The following CCDC146 variants were observed in gnomAD, a reference collection of about 807,000 sequenced individuals.
CCDC146 encodes coiled-coil domain containing 146, also known as coiled-coil domain-containing protein 146.
CCDC146 carries 92 observed loss-of-function variants against 119.3 expected under a neutral mutation model. That is an observed-to-expected ratio of 0.77 (90% CI 0.65 to 0.92). CCDC146 has a LOEUF of 0.92. CCDC146 is among the 40% of genes least tolerant of loss of function. The pLI, the probability that CCDC146 is intolerant of heterozygous loss-of-function variation, is 0.00. For missense variants in CCDC146, 1,000 were observed against 1,103.0 expected, an observed-to-expected ratio of 0.91 and a Z score of 1.32; for synonymous variants, 372 against 371.8, an observed-to-expected ratio of 1.00 and a Z score of -0.01.
At chr7:77,199,607 G>T in intron 2 of CCDC146, 4 of 1,614,146 alleles carry the variant, frequency 2.5e-6, no homozygotes, top group Non-Finnish European at 3.4e-6. Flanking sequence ...ATAGTCAAGG[G>T]GGGCAGGCTT....
intron 15 of CCDC146, among the ~76,000 whole-genome samples, chr7:77,284,907 AT>A (rs1297030030): frequency 6.6e-6 from 1 of 151,204 alleles, no homozygotes. Flanking sequence ...CAGGCAAGCC[AT>A]TTCTGTGCCC....
At chr7:77,287,346 G>T (rs188631727) in intron 16 of CCDC146, 94 bp from the exon 17 acceptor site, 84 of 1,304,548 alleles carry the variant, frequency 6.4e-5, no homozygotes, top group Admixed American at 3.2e-4. Context: ...GGTATTTTGT[G>T]GGGGGTAGGG....
intron 2 of CCDC146, chr7:77,195,984 A>G: frequency 3.2e-6 from 1 of 309,384 alleles, no homozygotes; most frequent in East Asian, 6.0e-5. Context: ...TACAGCAAGT[A>G]ATACAAGCAA....
chr7:77,148,578 C>A (rs7788078), intron 1 of CCDC146, among the ~76,000 whole-genome samples: 1,702 of 152,120 alleles, frequency 0.011, 25 homozygotes, highest in African/African-American at 0.038. Flanking sequence ...ATTTAGAAAA[C>A]CCCATCATCT....
intron 1 of CCDC146, among the ~76,000 whole-genome samples, chr7:77,138,749 T>G (rs1790893941): frequency 6.6e-6 from 1 of 152,168 alleles, no homozygotes; most frequent in African/African-American, 2.4e-5. Context: ...GATATACAAA[T>G]GGCAAATAAG....
intron 2 of CCDC146, among the ~76,000 whole-genome samples, chr7:77,191,683 C>T (rs1444875729): frequency 7.9e-5 from 12 of 151,968 alleles, no homozygotes; most frequent in East Asian, 7.8e-4. Flanking sequence ...CCAAGGTGGG[C>T]GGATCACGAG....
intron 2 of CCDC146, among the ~76,000 whole-genome samples, chr7:77,190,174 T>G (rs998964135): frequency 6.6e-6 from 1 of 152,236 alleles, no homozygotes; most frequent in South Asian, 2.1e-4. Flanking sequence ...TTCTGGCTTC[T>G]CAACTTTAGT....
intron 2 of CCDC146, among the ~76,000 whole-genome samples, chr7:77,169,641 C>T (rs1354745393): frequency 6.6e-6 from 1 of 152,196 alleles, no homozygotes; most frequent in Admixed American, 6.5e-5. Flanking sequence ...CACTGTCATT[C>T]CTTCTCATGC....
rs116047202 is a variant in CCDC146 at position 77,288,139 on chromosome 7, G to A, written c.2415+562G>A. ...GCAGATCCAGAGCCTCAGGGTCAGG[G>A]TGGGACTGCTAGAAGCTGCACTGAA... On this transcript the variant is annotated intron_variant, in intron 17 of 18. Coordinates refer to ENST00000285871, the MANE Select transcript of CCDC146 (RefSeq NM_020879.3). Among the ~76,000 whole-genome samples, 655 of 152,274 alleles carry A rather than the reference G, an allele frequency of 4.3e-3. 5 individuals are homozygous for A. Among genetic ancestry groups the A allele is most frequent in the African/African-American group, 0.015 (606 of 41,560 alleles).
chr7:77,294,501 T>TGTG (rs1562865854), intron 18 of CCDC146, among the ~76,000 whole-genome samples, 162 bp from the exon 19 acceptor site: 1 of 148,420 alleles, frequency 6.7e-6, no homozygotes, highest in African/African-American at 2.5e-5. Context: ...TGTGTGTGTG[T>TGTG]GTGTGGTGTG....
chr7:77,198,834 CCTTAT>C (rs1339892466), intron 2 of CCDC146: 1 of 309,058 alleles, frequency 3.2e-6, no homozygotes, highest in Non-Finnish European at 5.9e-6. Flanking sequence ...GTGAACATCG[CCTTAT>C]CTTTATTGTT....
chr7:77,279,003 C>G lies in CCDC146; in HGVS notation c.1596C>G (p.Leu532=). 9 of 1,612,492 alleles carry G rather than the reference C, an allele frequency of 5.6e-6. No individual in the cohort carries two copies. Among genetic ancestry groups the G allele is most frequent in the Non-Finnish European group, 7.6e-6 (9 of 1,179,334 alleles). Residue 532 remains leucine, a synonymous_variant, in exon 13 of 19, where the codon CTC becomes CTG. Coordinates refer to ENST00000285871, the MANE Select transcript of CCDC146 (RefSeq NM_020879.3). ...AAAGAAACAAATTTGTTAACTTACT[C>G]CACAAAGCTCATCAGAAAGTAAATG... ...RNERNKFVNL[L]HKAHQKVNEI...
At chr7:77,261,949 T>C (rs1310841265) in intron 8 of CCDC146, among the ~76,000 whole-genome samples, 172 bp from the exon 9 acceptor site, 1 of 152,212 alleles carries the variant, frequency 6.6e-6, no homozygotes, top group Admixed American at 6.5e-5. Context: ...TATATTCCTT[T>C]GAGTATATAC....
chr7:77,262,745 G>C (rs1793324930), intron 9 of CCDC146, among the ~76,000 whole-genome samples: 1 of 152,188 alleles, frequency 6.6e-6, no homozygotes, highest in African/African-American at 2.4e-5. Flanking sequence ...GACTAGCCAA[G>C]GGCAATCCAG....
At chr7:77,176,341 G>T (rs1337589747) in intron 2 of CCDC146, among the ~76,000 whole-genome samples, 1 of 151,074 alleles carries the variant, frequency 6.6e-6, no homozygotes, top group Non-Finnish European at 1.5e-5. Flanking sequence ...AGTGGCATTG[G>T]CAATGAGGAA....
chr7:77,210,198 CT>C (rs1308278413), intron 2 of CCDC146, among the ~76,000 whole-genome samples: 7 of 152,218 alleles, frequency 4.6e-5, no homozygotes, highest in African/African-American at 1.7e-4. Flanking sequence ...TTCAGATAAT[CT>C]CTTTGTGTAC....
intron 2 of CCDC146, among the ~76,000 whole-genome samples, chr7:77,172,132 C>A (rs1345859223): frequency 6.6e-6 from 1 of 152,190 alleles, no homozygotes; most frequent in East Asian, 1.9e-4. Flanking sequence ...TGCAAACTTT[C>A]GGAATATTCA....
At chr7:77,278,264 AACCCAAGCCAT>A (rs1793688866) in intron 11 of CCDC146, among the ~76,000 whole-genome samples, 2 of 152,028 alleles carry the variant, frequency 1.3e-5, no homozygotes, top group Admixed American at 6.6e-5. Context: ...CTTTTCCTCA[AACCCAAGCCAT>A]GCAGGCTCTT....
chr7:77,279,944 C>T lies in CCDC146; in HGVS notation c.1695-485C>T, dbSNP rs1255423388. 6.6e-5 allele frequency among the ~76,000 whole-genome samples: 10 copies of T among 152,060 alleles called. No homozygotes were observed. In the East Asian group the frequency reaches 1.7e-3, roughly 26 times the overall value. On this transcript the variant is annotated intron_variant, in intron 13 of 18. Transcript: ENST00000285871. ...TATAAAGTGGCCTCATTTCAGGGGT[C>T]GGGGGTGGATGAAAAGAAAAATATG...
Sources: allele counts gnomAD v4.1 joint callset (sites outside exome capture counted in the v4.1 genomes callset), GRCh38; gene constraint gnomAD v4.1.1; transcripts MANE v1.5; gene names NCBI Gene and HGNC (gene_info 2026-07-23, HGNC 2026-07-21).